The following TMEM239 variants were observed in gnomAD, a reference collection of about 807,000 sequenced individuals.
TMEM239 encodes transmembrane protein 239.
Under a neutral mutation model 14.6 loss-of-function variants are expected in TMEM239, and 10 were observed. The observed-to-expected ratio is 0.68, with a 90% CI of 0.42 to 1.16. The LOEUF is 1.16. Ranked by LOEUF, TMEM239 falls within the 50% of genes most tolerant of loss-of-function variation. The probability of loss-of-function intolerance (pLI) is 0.00; values close to 1 mark genes in which losing one functional copy is unlikely to be tolerated. For synonymous variants in TMEM239, 94 were observed against 89.9 expected (o/e 1.05, Z -0.26); for missense variants, 183 against 194.4 (o/e 0.94, Z 0.35).
At chr20:2,819,576 ATT>A (rs34492388), downstream of TMEM239, 728 of 127,376 alleles carry the variant, frequency 5.7e-3, 6 homozygotes, top group African/African-American at 0.02. Flanking sequence ...CAGAGTCTGC[ATT>A]TTTTTTTTTT....
At chr20:2,815,903 G>A, upstream of TMEM239, 3 of 766,048 alleles carry the variant, frequency 3.9e-6, no homozygotes, top group Admixed American at 2.3e-5. Flanking sequence ...GAACCTCACA[G>A]TCCTATAATA....
chr20:2,816,161 C>T (rs2088666018), upstream of TMEM239: 6 of 623,678 alleles, frequency 9.6e-6, no homozygotes, highest in South Asian at 1.2e-4. Flanking sequence ...GGAGGGCTTC[C>T]CATGAGAAAG....
At chr20:2,815,799 T>A (rs541746102), upstream of TMEM239, 3 of 1,579,500 alleles carry the variant, frequency 1.9e-6, no homozygotes, top group South Asian at 3.3e-5. Flanking sequence ...CAACTCAGTG[T>A]CCTTCAAATA....
upstream of TMEM239, chr20:2,815,814 A>G (rs745886774): frequency 1.7e-5 from 26 of 1,520,958 alleles, no homozygotes; most frequent in Non-Finnish European, 2.1e-5. Flanking sequence ...CAAATATACA[A>G]TGACCACCCT....
Position 2,816,383 on chromosome 20 carries a change from A to G in TMEM239, c.-44A>G, listed in dbSNP as rs1234653487. The G allele has an allele frequency of 6.5e-7, 1 of 1,535,826 alleles. No homozygotes were observed. Among genetic ancestry groups the G allele is most frequent in the African/African-American group, 1.4e-5 (1 of 72,982 alleles). ...CCTGCCAGGCCGTCCTGGGCGCTGC[A>G]GGAAGCAACATGACTTAGGTAACTG... On this transcript the variant is annotated 5_prime_UTR_variant, in exon 1 of 2. Transcript: ENST00000380585.
chr20:2,816,831 T>C lies in TMEM239; in HGVS notation c.277T>C (p.Trp93Arg). The C allele has an allele frequency of 1.3e-6, 2 of 1,549,824 alleles. No homozygotes were observed. Among genetic ancestry groups the C allele is most frequent in the Non-Finnish European group, 1.7e-6 (2 of 1,146,980 alleles). The change falls in exon 2 of 2, where the codon TGG becomes CGG. Residue 93 changes from tryptophan to arginine, a missense_variant. By Grantham distance (101) the Trp-to-Arg change is moderately radical. Transcript: ENST00000380585. ...TGGCTCCCACCTGCTGAGCTCCTTGTGGCCTGTCGTGGCCGCGGTGTGGCG... is the reference window on the plus strand; with the variant it reads ...TGGCTCCCACCTGCTGAGCTCCTTGCGGCCTGTCGTGGCCGCGGTGTGGCG... Reference protein sequence around the residue: ...TTGSHLLSSLWPVVAAVWRHL... With the variant: ...TTGSHLLSSLRPVVAAVWRHL...
chr20:2,816,755 G>A lies in TMEM239; in HGVS notation c.201G>A (p.Gly67=). The change falls in exon 2 of 2, where the codon GGG becomes GGA. Residue 67 remains glycine (G), a synonymous_variant. Transcript: ENST00000380585. ...AGCGCCTGCTGTGGGGTCTGGAGGG[G>A]ATACTCTACCTGCTGCTGGCACTGA... ...PLQRLLWGLE[G]ILYLLLALML... is the part of the protein sequence containing the mutation. 2.6e-6 allele frequency: 4 copies of A among 1,551,018 alleles called. No individual in the cohort carries two copies. Among genetic ancestry groups the A allele is most frequent in the Non-Finnish European group, 3.5e-6 (4 of 1,146,978 alleles).
In TMEM239 at chr20:2,817,487, G is replaced by A. The variant is rs1213243381; in HGVS notation, c.*474G>A. The A allele has an allele frequency of 1.6e-5, 3 of 190,246 alleles. No homozygotes were observed. In the East Asian group the frequency reaches 3.9e-4, roughly 25 times the overall value. 11.8% of individuals were successfully genotyped at this position (190,246 alleles called of 1,614,324 possible). On this transcript the variant is annotated 3_prime_UTR_variant, in exon 2 of 2. Transcript: ENST00000380585. ...AGGAGAACCACAGACTCTAGAGAGG[G>A]TCCCAGTGACAAAAATCTATCAGGG...
Position 2,816,617 on chromosome 20 carries a change from A to G in TMEM239, c.63A>G (p.Ala21=), listed in dbSNP as rs1198230595. 2 of 1,538,894 alleles carry G rather than the reference A, an allele frequency of 1.3e-6. No individual in the cohort carries two copies. Among genetic ancestry groups the G allele is most frequent in the African/African-American group, 2.7e-5 (2 of 73,026 alleles). The part of the protein sequence containing the change: ...TIGAGEGPQQ[A]VPWSAWVTRH... ...GGGCTGGCGAGGGGCCACAGCAGGCAGTGCCCTGGTCAGCCTGGGTCACGA... is the reference window on the plus strand; with the variant it reads ...GGGCTGGCGAGGGGCCACAGCAGGCGGTGCCCTGGTCAGCCTGGGTCACGA... Residue 21 remains alanine, a synonymous_variant, in exon 2 of 2, where the codon GCA becomes GCG. Transcript: ENST00000380585.
chr20:2,816,923 C>T lies in TMEM239; in HGVS notation c.369C>T (p.Ser123=). The change falls in exon 2 of 2, where the codon TCC becomes TCT. Residue 123 remains serine, a synonymous_variant. Coordinates refer to ENST00000380585, the MANE Select transcript of TMEM239 (RefSeq NM_001167670.3). ...SALPALLFTA[S]FLLLFSTLLS... ...TGCCTGCCCTCCTCTTCACGGCCTC[C>T]TTCCTGCTGCTCTTCTCCACACTGC... The T allele has an allele frequency of 6.5e-7, 1 of 1,539,556 alleles. No individual in the cohort carries two copies. The highest frequency in any genetic ancestry group is 8.7e-7 in the Non-Finnish European group (1 of 1,147,068).
At chr20:2,815,929 T>C (rs1188089390), upstream of TMEM239, 6 of 691,722 alleles carry the variant, frequency 8.7e-6, no homozygotes, top group Non-Finnish European at 1.5e-5. Flanking sequence ...ATCAGATACC[T>C]GGATCTGAGT....
At chr20:2,815,853 T>G, upstream of TMEM239, 2 of 1,151,934 alleles carry the variant, frequency 1.7e-6, no homozygotes, top group Non-Finnish European at 2.5e-6. Context: ...TTCTCCTTCC[T>G]GGCTGGGCAG....
rs1300031287 is a variant in TMEM239 at position 2,817,075 on chromosome 20, C to A, written c.*62C>A. 3 of 1,523,756 alleles carry A rather than the reference C, an allele frequency of 2.0e-6. No individual in the cohort carries two copies. Among genetic ancestry groups the A allele is most frequent in the South Asian group, 1.2e-5 (1 of 82,166 alleles). 94.4% of individuals were successfully genotyped at this position (1,523,756 alleles called of 1,614,324 possible). A position where few individuals can be genotyped will look rare whatever the true frequency, so the allele number is the denominator to read the frequency against. ...CCCTGGCCTAGGGCCTGAGACCCCA[C>A]GGGGAGAGGGAGGGCAATGGGATCA... On this transcript the variant is annotated 3_prime_UTR_variant, in exon 2 of 2. Transcript: ENST00000380585.
chr20:2,818,147 AC>A (rs2088698140), downstream of TMEM239: 2 of 152,142 alleles, frequency 1.3e-5, no homozygotes, highest in South Asian at 4.1e-4. Context: ...GTGAGTGGGG[AC>A]AGCACAGCCC....
In TMEM239 at chr20:2,817,752, A is replaced by G. The variant is rs2088694718; in HGVS notation, c.*739A>G. On this transcript the variant is annotated 3_prime_UTR_variant, in exon 2 of 2. Transcript: ENST00000380585. ...CTTACACAATGTGTGGCCTTGGCCA[A>G]TTAATTCATTTGAGCCTCAATGTTA... The G allele has an allele frequency of 6.6e-6, 1 of 152,436 alleles. No individual in the cohort carries two copies. Among genetic ancestry groups the G allele is most frequent in the South Asian group, 2.1e-4 (1 of 4,836 alleles). The allele number at this position is 152,436 out of a possible 1,614,324, so 9.4% of individuals were successfully genotyped here.
chr20:2,815,865 T>A, upstream of TMEM239: 1 of 1,116,850 alleles, frequency 9.0e-7, no homozygotes, highest in Non-Finnish European at 1.3e-6. Flanking sequence ...GCTGGGCAGG[T>A]GGGATGATAC....
rs1392084748 is a variant in TMEM239, at chr20:2,816,983, C to T, written c.429C>T (p.His143=). The change falls in exon 2 of 2, where the codon CAC becomes CAT. Residue 143 remains histidine (H), a synonymous_variant. Coordinates refer to ENST00000380585, the MANE Select transcript of TMEM239 (RefSeq NM_001167670.3). ...SLVGLLTSMT[H]PGDTQDLDQ is the part of the protein sequence containing the mutation. ...TGGGCCTCCTCACCTCCATGACTCA[C>T]CCAGGCGACACTCAGGATTTGGATC... The T allele has an allele frequency of 1.3e-6, 2 of 1,538,006 alleles. No homozygotes were observed. Among genetic ancestry groups the T allele is most frequent in the South Asian group, 1.2e-5 (1 of 84,068 alleles).
chr20:2,816,594 G>T lies in TMEM239; in HGVS notation c.40G>T (p.Ala14Ser). ...GCGAGTGGAGACAGATACCATCGGG[G>T]CTGGCGAGGGGCCACAGCAGGCAGT... The part of the protein sequence containing the change: ...QPRVETDTIG[A>S]GEGPQQAVPW... The change falls in exon 2 of 2, where the codon GCT (alanine) becomes TCT (serine). Residue 14 changes from alanine (A) to serine (S), a missense_variant. By Grantham distance (99) the Ala-to-Ser change is moderately conservative (BLOSUM62 1). Transcript: ENST00000380585. The T allele has an allele frequency of 1.3e-6, 2 of 1,537,098 alleles. No individual in the cohort carries two copies. Among genetic ancestry groups the T allele is most frequent in the South Asian group, 1.2e-5 (1 of 84,020 alleles).
Position 2,817,144 on chromosome 20 carries a change from G to A in TMEM239, c.*131G>A, listed in dbSNP as rs1209918353. ...GGGCCCAGACCCCTAGTCCCTAACA[G>A]GTAGACTGGCCTGACCCCGGACTCC... On this transcript the variant is annotated 3_prime_UTR_variant, in exon 2 of 2. Transcript: ENST00000380585. The A allele has an allele frequency of 8.2e-7, 1 of 1,220,434 alleles. No individual in the cohort carries two copies. The highest frequency in any genetic ancestry group is 2.5e-5 in the Admixed American group (1 of 39,544). 75.6% of individuals were successfully genotyped at this position (1,220,434 alleles called of 1,614,324 possible).
Sources: allele counts gnomAD v4.1 joint callset, GRCh38; gene constraint gnomAD v4.1.1; transcripts MANE v1.5; gene names NCBI Gene and HGNC (gene_info 2026-07-23, HGNC 2026-07-21).